The following DNAJC14 variants were observed in gnomAD, a reference collection of about 807,000 sequenced individuals.
DNAJC14 encodes dnaJ homolog subfamily C member 14.
Under a neutral mutation model 68.8 loss-of-function variants are expected in DNAJC14, and 12 were observed. The ratio of observed to expected loss-of-function variants is 0.17; its 90% CI spans 0.11 to 0.28. The LOEUF (loss-of-function observed/expected upper bound fraction) is 0.28, where lower values mean the gene tolerates loss of function less well. Ranked by LOEUF, DNAJC14 falls within the 10% of genes least tolerant of loss-of-function variation. DNAJC14 has a pLI of 1.00. For missense variants in DNAJC14, 764 were observed against 875.6 expected (o/e 0.87, Z 1.61); for synonymous variants, 350 against 321.5 (o/e 1.09, Z -0.95).
intron 2 of DNAJC14, among the ~76,000 whole-genome samples, chr12:55,826,879 CT>C (rs1310265340): frequency 6.6e-6 from 1 of 151,790 alleles, no homozygotes; most frequent in Non-Finnish European, 1.5e-5. Context: ...TCCACTCTCC[CT>C]AAAACTGGAA....
chr12:55,822,371 ACCTCTGCCGC>A lies in DNAJC14; in HGVS notation c.1890_1898+1del. 3 of 1,611,630 alleles carry A rather than the reference ACCTCTGCCGC, an allele frequency of 1.9e-6. No individual in the cohort carries two copies. Among genetic ancestry groups the A allele is most frequent in the Non-Finnish European group, 2.5e-6 (3 of 1,179,716 alleles). On this transcript the variant is annotated splice_donor_variant and coding_sequence_variant, in exon 6 of 7. Transcript: ENST00000678005. LOFTEE classifies it high-confidence loss of function. ...TAGATTATTGACAGAAATACCACCT[ACCTCTGCCGC>A]CCTCTGGTGCCTGGAATCCGAGAAC...
intron 2 of DNAJC14, among the ~76,000 whole-genome samples, chr12:55,825,766 G>A (rs936653468): frequency 5.3e-5 from 8 of 151,792 alleles, no homozygotes; most frequent in African/African-American, 9.7e-5. Flanking sequence ...GGATGGTCTC[G>A]ATCTCCTGAC....
chr12:55,829,721 G>C (rs1018721818), upstream of DNAJC14: 51 of 565,538 alleles, frequency 9.0e-5, no homozygotes, highest in Non-Finnish European at 1.1e-4. Flanking sequence ...GGGCTGCGTC[G>C]ACTCCAAGGA....
At chr12:55,825,203 T>A (rs1290916162) in intron 2 of DNAJC14, among the ~76,000 whole-genome samples, 2 of 151,800 alleles carry the variant, frequency 1.3e-5, no homozygotes, top group Non-Finnish European at 2.9e-5. Context: ...CCAAATTAAT[T>A]CAGTCCTTTG....
chr12:55,829,115 C>G (rs770906119), intron 1 of DNAJC14: 220 of 988,370 alleles, frequency 2.2e-4, no homozygotes, highest in Non-Finnish European at 2.6e-4. Context: ...AGGGCTGCCC[C>G]TAAGAAAGAC....
rs1440924539 is a variant in DNAJC14, at chr12:55,821,952, T to C, written c.*25A>G. On this transcript the variant is annotated 3_prime_UTR_variant, in exon 7 of 7. Coordinates refer to ENST00000678005, the MANE Select transcript of DNAJC14 (RefSeq NM_032364.6). ...CTACAGCCCTTTTGACTCCCTGACATTGATTTGAGGAAAGAGAAGGGGCAT... is the reference window on the plus strand; with the variant it reads ...CTACAGCCCTTTTGACTCCCTGACACTGATTTGAGGAAAGAGAAGGGGCAT... 2 of 1,593,162 alleles carry C rather than the reference T, an allele frequency of 1.3e-6. No individual in the cohort carries two copies. Among genetic ancestry groups the C allele is most frequent in the East Asian group, 2.2e-5 (1 of 44,664 alleles).
Position 55,828,596 on chromosome 12 carries a change from G to A in DNAJC14, c.63C>T (p.Ser21=), listed in dbSNP as rs150194030. The part of the protein sequence containing the change: ...LYGAHHSGGA[S]LRTLGPSVDP... The stretch of plus-strand genomic sequence containing the variant: ...CCACGGAGGGTCCTAAAGTCCTGAG[G>A]GAGGCACCACCACTGTGGTGGGCTC... Residue 21 remains serine, a synonymous_variant, in exon 2 of 7, where the codon TCC becomes TCT. Transcript: ENST00000678005. 1.2e-6 allele frequency: 2 copies of A among 1,613,920 alleles called. No individual in the cohort carries two copies. The highest frequency in any genetic ancestry group is 1.3e-5 in the African/African-American group (1 of 74,870).
chr12:55,828,438 C>G lies in DNAJC14; in HGVS notation c.221G>C (p.Ser74Thr). Residue 74 changes from serine (S) to threonine (T), a missense_variant, in exon 2 of 7, where the codon AGC becomes ACC. Coordinates refer to ENST00000678005, the MANE Select transcript of DNAJC14 (RefSeq NM_032364.6). ...HPNPAHWLDP[S>T]HGPPGGPGPP... ...TCCTGGACCCCCTGGGGGGCCATGG[C>G]TTGGGTCCAACCAATGGGCTGGGTT... The G allele has an allele frequency of 6.2e-7, 1 of 1,614,114 alleles. No individual in the cohort carries two copies. Among genetic ancestry groups the G allele is most frequent in the Non-Finnish European group, 8.5e-7 (1 of 1,179,974 alleles).
intron 1 of DNAJC14, 25 bp downstream of exon 1, chr12:55,829,463 GA>G (rs757741400): frequency 0.12 from 63,512 of 529,456 alleles, no homozygotes; most frequent in Non-Finnish European, 0.13. Flanking sequence ...AAAAAAAAAC[GA>G]AAAAAAAAAA....
chr12:55,826,822 G>A (rs1381536327), intron 2 of DNAJC14, among the ~76,000 whole-genome samples: 2 of 150,670 alleles, frequency 1.3e-5, no homozygotes, highest in East Asian at 2.0e-4. Context: ...AAAGAAGAAC[G>A]TTAACCTTCA....
chr12:55,822,823 G>A, intron 4 of DNAJC14, 91 bp from the exon 5 acceptor site: 1 of 1,511,236 alleles, frequency 6.6e-7, no homozygotes, highest in Non-Finnish European at 8.9e-7. Context: ...AAATAGGGCT[G>A]AAACATCTAA....
intron 2 of DNAJC14, among the ~76,000 whole-genome samples, chr12:55,825,895 A>G (rs1221508262): frequency 6.6e-6 from 1 of 152,136 alleles, no homozygotes; most frequent in Admixed American, 6.5e-5. Context: ...TATGACATAC[A>G]TATGCATACA....
rs1296421643 is a variant in DNAJC14 at position 55,821,015 on chromosome 12, C to T, written c.*962G>A. On this transcript the variant is annotated 3_prime_UTR_variant, in exon 7 of 7. Coordinates refer to ENST00000678005, the MANE Select transcript of DNAJC14 (RefSeq NM_032364.6). ...AGTTATACATTTATAGAAAGATAAT[C>T]CCCTGGCTTTAAATAGTCATGTACA... 6.5e-6 allele frequency: 1 copy of T among 152,936 alleles called. No homozygotes were observed. Among genetic ancestry groups the T allele is most frequent in the African/African-American group, 2.4e-5 (1 of 41,400 alleles). 9.5% of individuals were successfully genotyped at this position (152,936 alleles called of 1,614,324 possible).
chr12:55,825,524 C>T (rs1419636393), intron 2 of DNAJC14, among the ~76,000 whole-genome samples: 1 of 150,518 alleles, frequency 6.6e-6, no homozygotes. Flanking sequence ...TGCATGACAA[C>T]TCCCATCTGC....
chr12:55,829,601 G>C (rs976842576), upstream of DNAJC14: 1 of 985,444 alleles, frequency 1.0e-6, no homozygotes, highest in South Asian at 4.7e-5. Context: ...TCCGCCTTCC[G>C]TCCCCGCGGC....
upstream of DNAJC14, chr12:55,830,519 C>G (rs916939275): frequency 2.0e-5 from 3 of 152,154 alleles, no homozygotes; most frequent in African/African-American, 7.2e-5. Context: ...TCCACGATCC[C>G]GACCACCCGG....
At chr12:55,829,759 C>T (rs1284468007), upstream of DNAJC14, 15 of 267,964 alleles carry the variant, frequency 5.6e-5, no homozygotes, top group Non-Finnish European at 8.6e-5. Context: ...ACTGGCCCCG[C>T]CATTTAAAGG....
chr12:55,829,290 C>T, intron 1 of DNAJC14, 199 bp downstream of exon 1: 1 of 867,916 alleles, frequency 1.2e-6, no homozygotes, highest in South Asian at 5.3e-5. Context: ...ACTAAAAATA[C>T]AGAAATTCGC....
chr12:55,827,878 A>G lies in DNAJC14; in HGVS notation c.781T>C (p.Leu261=), dbSNP rs1880844184. The change falls in exon 2 of 7, where the codon TTG becomes CTG. Residue 261 remains leucine, a synonymous_variant. Coordinates refer to ENST00000678005, the MANE Select transcript of DNAJC14 (RefSeq NM_032364.6). Reference sequence around the variant, plus strand: ...CAAGTTTCTACGTACTCTCCCACCAATACCAGCAGTTCAATCAGCCACCAA... The same window carrying G: ...CAAGTTTCTACGTACTCTCCCACCAGTACCAGCAGTTCAATCAGCCACCAA... ...GFWWLIELLV[L]VGEYVETCGH... The G allele has an allele frequency of 6.2e-7, 1 of 1,611,536 alleles. No homozygotes were observed. Among genetic ancestry groups the G allele is most frequent in the Middle Eastern group, 1.7e-4 (1 of 6,050 alleles).
Sources: allele counts gnomAD v4.1 joint callset (sites outside exome capture counted in the v4.1 genomes callset), GRCh38; gene constraint gnomAD v4.1.1; transcripts MANE v1.5; gene names NCBI Gene and HGNC (gene_info 2026-07-23, HGNC 2026-07-21).